STARD3: variants seen among roughly 807,000 people sequenced by gnomAD.
The protein encoded by STARD3 is StAR related lipid transfer domain containing 3.
In STARD3, 39 loss-of-function variants were observed where a neutral mutation model predicts 62.0. That is an observed-to-expected ratio of 0.63 (90% CI 0.49 to 0.82). STARD3 has a LOEUF of 0.82. Among genes scored for constraint, STARD3 ranks in the 40% least tolerant of loss-of-function variants. STARD3 has a pLI of 0.00. For missense variants in STARD3, 543 were observed against 584.5 expected (o/e 0.93, Z 0.73); for synonymous variants, 229 against 242.4 (o/e 0.94, Z 0.51).
intron 1 of STARD3, among the ~76,000 whole-genome samples, chr17:39,640,608 G>A (rs1297504239): frequency 4.0e-5 from 6 of 151,414 alleles, no homozygotes; most frequent in African/African-American, 1.2e-4. Flanking sequence ...GACTAACCTT[G>A]GGAACTTGAC....
Position 39,662,784 on chromosome 17 carries a change from T to C in STARD3, c.1234-20T>C. ...CTGAGGGCAGGCCATCAAGTGTGAC[T>C]TCTGCCTGCCTTCCCCCAGGGCCGC... On this transcript the variant is annotated intron_variant, in intron 14 of 14. Coordinates refer to ENST00000336308, the MANE Select transcript of STARD3 (RefSeq NM_006804.4). 1.9e-6 allele frequency: 3 copies of C among 1,598,178 alleles called. No individual in the cohort carries two copies. Among genetic ancestry groups the C allele is most frequent in the Non-Finnish European group, 2.6e-6 (3 of 1,171,732 alleles).
chr17:39,638,017 C>G (rs2056949072), intron 1 of STARD3, among the ~76,000 whole-genome samples: 1 of 152,236 alleles, frequency 6.6e-6, no homozygotes, highest in African/African-American at 2.4e-5. Flanking sequence ...ACATGGAGCT[C>G]ACTGGGTCCA....
chr17:39,659,794 C>T lies in STARD3; in HGVS notation c.795+241C>T. On this transcript the variant is annotated intron_variant, in intron 9 of 14. Coordinates refer to ENST00000336308, the MANE Select transcript of STARD3 (RefSeq NM_006804.4). ...CTTCCCTGCTGTTCTGCCCCCTTGGCTCCAGGCTTTGAAGGGGAAGCCAGG... is the reference window on the plus strand; with the variant it reads ...CTTCCCTGCTGTTCTGCCCCCTTGGTTCCAGGCTTTGAAGGGGAAGCCAGG... 1.1e-5 allele frequency: 5 copies of T among 442,752 alleles called. No individual in the cohort carries two copies. The South Asian group carries it at 1.1e-4, about 10-fold the overall frequency. 27.4% of individuals were successfully genotyped at this position (442,752 alleles called of 1,614,324 possible). A position where few individuals can be genotyped will look rare whatever the true frequency, so the allele number is the denominator to read the frequency against.
At chr17:39,646,829 C>G (rs991599451) in intron 1 of STARD3, among the ~76,000 whole-genome samples, 2 of 152,126 alleles carry the variant, frequency 1.3e-5, no homozygotes, top group Non-Finnish European at 2.9e-5. Flanking sequence ...CTTCCCTTTG[C>G]CTCATGAATA....
At chr17:39,654,665 C>T (rs1286075654) in intron 2 of STARD3, among the ~76,000 whole-genome samples, 2 of 152,234 alleles carry the variant, frequency 1.3e-5, no homozygotes, top group Admixed American at 6.5e-5. Flanking sequence ...CCAGCTCCTC[C>T]TCGGCTTTGG....
chr17:39,637,707 T>C (rs2056945192), intron 1 of STARD3, among the ~76,000 whole-genome samples: 1 of 152,208 alleles, frequency 6.6e-6, no homozygotes, highest in Non-Finnish European at 1.5e-5. Context: ...TCTTGAGTTC[T>C]TAGAGGTGCA....
At chr17:39,641,272 C>T (rs1487314277) in intron 1 of STARD3, among the ~76,000 whole-genome samples, 1 of 152,092 alleles carries the variant, frequency 6.6e-6, no homozygotes. Flanking sequence ...ACTTGGACCT[C>T]AAGGGCTTAG....
At chr17:39,649,537 G>A (rs1211894634) in intron 1 of STARD3, among the ~76,000 whole-genome samples, 1 of 152,218 alleles carries the variant, frequency 6.6e-6, no homozygotes, top group Non-Finnish European at 1.5e-5. Context: ...GAGCCCATCT[G>A]TAGTAAGCTA....
chr17:39,662,558 C>G (rs1314790842), intron 14 of STARD3: 3 of 629,240 alleles, frequency 4.8e-6, no homozygotes, highest in Non-Finnish European at 8.2e-6. Flanking sequence ...CCTCTGAGTC[C>G]TGAGGCCCTG....
chr17:39,638,407 C>T (rs933740370), intron 1 of STARD3, among the ~76,000 whole-genome samples: 6 of 152,212 alleles, frequency 3.9e-5, no homozygotes, highest in African/African-American at 1.4e-4. Context: ...TCTGACCTAG[C>T]AGTCTCCTGT....
chr17:39,660,598 ACTCAGCGC>A lies in STARD3; in HGVS notation c.954+79_954+86del. 1 of 1,515,606 alleles carries A rather than the reference ACTCAGCGC, an allele frequency of 6.6e-7. No individual in the cohort carries two copies. Among genetic ancestry groups the A allele is most frequent in the South Asian group, 1.1e-5 (1 of 88,944 alleles). 93.9% of individuals were successfully genotyped at this position (1,515,606 alleles called of 1,614,324 possible). On this transcript the variant is annotated intron_variant, in intron 11 of 14. Coordinates refer to ENST00000336308, the MANE Select transcript of STARD3 (RefSeq NM_006804.4). This position sits in a 1 kb window ranked among gnomAD's most constrained non-coding sequence, Gnocchi z 4.8. ...CACGCCTCAGTGGGATCACTGAAGC[ACTCAGCGC>A]CTCAGCTGCCCCATCTGTACAGTGG...
intron 1 of STARD3, among the ~76,000 whole-genome samples, chr17:39,646,894 AC>A (rs1218330552): frequency 6.6e-6 from 1 of 151,498 alleles, no homozygotes; most frequent in Non-Finnish European, 1.5e-5. Context: ...TCCCCCTCTA[AC>A]CCAGGATGGT....
At chr17:39,639,070 C>T (rs1033179127) in intron 1 of STARD3, among the ~76,000 whole-genome samples, 2 of 152,186 alleles carry the variant, frequency 1.3e-5, no homozygotes, top group South Asian at 2.1e-4. Context: ...GGTTGTGCCA[C>T]TGCACTCTAG....
In STARD3 at chr17:39,657,062, A is replaced by G. The variant is rs761571370; in HGVS notation, c.274A>G (p.Lys92Glu). The change falls in exon 3 of 15, where the codon AAA becomes GAA. Residue 92 changes from lysine to glutamate, a missense_variant. Physicochemically the swap from Lys to Glu is moderately conservative, Grantham distance 56 (BLOSUM62 1). Transcript: ENST00000336308. ...GCAGGAGATCATCCAGTACAACTTT[A>G]AAACTTCCTTCTTCGACATCTTTGT... ...LEQEIIQYNF[K>E]TSFFDIFVLA... is the part of the protein sequence containing the mutation. The G allele has an allele frequency of 1.2e-6, 2 of 1,614,038 alleles. No homozygotes were observed. Among genetic ancestry groups the G allele is most frequent in the East Asian group, 4.5e-5 (2 of 44,888 alleles).
chr17:39,660,485 G>A lies in STARD3; in HGVS notation c.913G>A (p.Glu305Lys), dbSNP rs767537907. ...GTACCAGGAGGTGATCCTGCAGCCC[G>A]AGAGGATGGTGCTGTGGAACAAGAC... ...LVYQEVILQP[E>K]RMVLWNKTVT... The change falls in exon 11 of 15, where the codon GAG (glutamate) becomes AAG (lysine). Residue 305 changes from glutamate (E) to lysine (K), a missense_variant. Glu to Lys is a moderately conservative substitution (Grantham distance 56). Coordinates refer to ENST00000336308, the MANE Select transcript of STARD3 (RefSeq NM_006804.4). The surrounding 1 kb of genome is among the most constrained non-coding windows in gnomAD (Gnocchi z 4.8). 13 of 1,613,866 alleles carry A rather than the reference G, an allele frequency of 8.1e-6. 1 individual carries two copies. The highest frequency in any genetic ancestry group is 2.2e-5 in the South Asian group (2 of 91,086).
intron 1 of STARD3, among the ~76,000 whole-genome samples, chr17:39,650,047 TA>T (rs925449312): frequency 2.4e-4 from 36 of 150,998 alleles, no homozygotes; most frequent in African/African-American, 3.7e-4. Flanking sequence ...CCCCATCTCT[TA>T]AAAAAAAAGA....
chr17:39,656,680 G>A (rs2057133501), intron 2 of STARD3, among the ~76,000 whole-genome samples: 1 of 152,094 alleles, frequency 6.6e-6, no homozygotes, highest in African/African-American at 2.4e-5. Flanking sequence ...GGCTTTCGGC[G>A]CCCTTCTGCT....
In STARD3 at chr17:39,662,945, C is replaced by A. The variant is rs771157937; in HGVS notation, c.*37C>A. ...CCCACCCTGCGGGCCAGGGTCCTGT[C>A]GCCACCACTTCCAGAGCCAGAAAGG... On this transcript the variant is annotated 3_prime_UTR_variant, in exon 15 of 15. Coordinates refer to ENST00000336308, the MANE Select transcript of STARD3 (RefSeq NM_006804.4). 2 of 1,575,780 alleles carry A rather than the reference C, an allele frequency of 1.3e-6. No individual in the cohort carries two copies. The highest frequency in any genetic ancestry group is 2.7e-5 in the African/African-American group (2 of 73,878).
rs370725001 is a variant in STARD3 at position 39,663,448 on chromosome 17, A to G, written c.*540A>G. On this transcript the variant is annotated 3_prime_UTR_variant, in exon 15 of 15. Coordinates refer to ENST00000336308, the MANE Select transcript of STARD3 (RefSeq NM_006804.4). ...GGCCTCCTGGGGGACCTTTGTATTAAGCCAATTAAAAACATGAATTTAAAA... is the reference window on the plus strand; with the variant it reads ...GGCCTCCTGGGGGACCTTTGTATTAGGCCAATTAAAAACATGAATTTAAAA... 1.2e-3 allele frequency: 224 copies of G among 189,844 alleles called. 1 individual carries two copies. The highest frequency in any genetic ancestry group is 4.7e-3 in the African/African-American group (201 of 42,706). 11.8% of individuals were successfully genotyped at this position (189,844 alleles called of 1,614,324 possible). A position where few individuals can be genotyped will look rare whatever the true frequency, so the allele number is the denominator to read the frequency against.
Sources: allele counts gnomAD v4.1 joint callset (sites outside exome capture counted in the v4.1 genomes callset), GRCh38; gene constraint gnomAD v4.1.1; non-coding constraint Gnocchi (gnomAD v3.1); transcripts MANE v1.5; gene names NCBI Gene and HGNC (gene_info 2026-07-23, HGNC 2026-07-21).